Variants in WNT5A observed in about 807,000 individuals in gnomAD.
The protein encoded by WNT5A is protein Wnt-5a.
A neutral mutation model predicts 42.1 loss-of-function variants in WNT5A; 9 were observed. The ratio of observed to expected loss-of-function variants is 0.21; its 90% CI spans 0.13 to 0.37. The LOEUF (loss-of-function observed/expected upper bound fraction) is 0.37, where lower values mean the gene tolerates loss of function less well. Ranked by LOEUF, WNT5A falls within the 10% of genes least tolerant of loss-of-function variation. WNT5A has a pLI of 1.00. For synonymous variants in WNT5A, 210 were observed against 210.0 expected, an observed-to-expected ratio of 1.00 and a Z score of 0.00; for missense variants, 426 against 534.0, an observed-to-expected ratio of 0.80 and a Z score of 1.99.
upstream of WNT5A, among the ~76,000 whole-genome samples, chr3:55,494,781 C>T (rs763660270): frequency 6.6e-6 from 1 of 152,184 alleles, no homozygotes; most frequent in Non-Finnish European, 1.5e-5. Context: ...TCATGATCCA[C>T]CCACCTTGGC....
At position 55,470,144 on chromosome 3, in the gene WNT5A, T is replaced by C. The variant is rs1260562227; in HGVS notation, c.1091A>G (p.Tyr364Cys). 1 of 1,614,152 alleles carries C rather than the reference T, an allele frequency of 6.2e-7. No individual in the cohort carries two copies. The highest frequency in any genetic ancestry group is 8.5e-7 in the Non-Finnish European group (1 of 1,179,986). The change falls in exon 5 of 5, where the codon TAC (tyrosine) becomes TGC (cysteine). Residue 364 changes from tyrosine to cysteine, a missense_variant. Tyr to Cys is a radical substitution (Grantham distance 194, BLOSUM62 -2). Transcript: ENST00000264634. ...RCHCKFHWCC[Y>C]VKCKKCTEIV... ...CTCCGTGCACTTCTTGCACTTGACGTAGCAGCACCAGTGGAACTTGCAGTG... is the reference window on the plus strand; with the variant it reads ...CTCCGTGCACTTCTTGCACTTGACGCAGCAGCACCAGTGGAACTTGCAGTG...
In WNT5A at chr3:55,479,697, A is replaced by G. The variant is rs552036389; in HGVS notation, c.141-133T>C. ...CTCCTGCTTGTCCTCATGACAAAGT[A>G]TGAGAAGGGCTTCATAAAACTCCTC... is the stretch of plus-strand genomic sequence containing the variant. On this transcript the variant is annotated intron_variant, in intron 2 of 4. Coordinates refer to ENST00000264634, the MANE Select transcript of WNT5A (RefSeq NM_003392.7). 1.7e-5 allele frequency: 22 copies of G among 1,273,452 alleles called. No individual in the cohort carries two copies. The Admixed American group carries it at 2.2e-4, about 12-fold the overall frequency. 78.9% of individuals were successfully genotyped at this position (1,273,452 alleles called of 1,614,324 possible). A position where few individuals can be genotyped will look rare whatever the true frequency, so the allele number is the denominator to read the frequency against.
intron 1 of WNT5A, among the ~76,000 whole-genome samples, chr3:55,481,989 G>A (rs1217883620): frequency 6.6e-6 from 1 of 152,238 alleles, no homozygotes; most frequent in Admixed American, 6.5e-5. Flanking sequence ...CTGGGGTTGT[G>A]GGCCACTTTG....
chr3:55,474,585 C>A lies in WNT5A; in HGVS notation c.436G>T (p.Val146Leu). The A allele has an allele frequency of 6.7e-7, 1 of 1,491,572 alleles. No homozygotes were observed. The highest frequency in any genetic ancestry group is 1.4e-5 in the South Asian group (1 of 73,388). 92.4% of individuals were successfully genotyped at this position (1,491,572 alleles called of 1,614,324 possible). ...CACGCCCGGCTCATGGCGTTCACCA[C>A]CCCTGCTGCGCTCACCGCGTATGTG... The part of the protein sequence containing the change: ...AFTYAVSAAG[V>L]VNAMSRACRE... The change falls in exon 4 of 5, where the codon GTG becomes TTG. Residue 146 changes from valine to leucine, a missense_variant. This residue lies in a region of WNT5A where 358 missense variants were observed against 468.1 expected (regional missense o/e 0.76). Transcript: ENST00000264634.
chr3:55,502,944 A>C, the WNT5A span, among the ~76,000 whole-genome samples: 1 of 152,234 alleles, frequency 6.6e-6, no homozygotes, highest in Non-Finnish European at 1.5e-5. Flanking sequence ...AACCAGGCCC[A>C]CATTTCTTAT....
At chr3:55,499,165 T>G in the WNT5A span, among the ~76,000 whole-genome samples, 2 of 152,240 alleles carry the variant, frequency 1.3e-5, no homozygotes, top group South Asian at 4.1e-4. Context: ...AGATACCTGT[T>G]CCCTGCTGGG....
intron 4 of WNT5A, among the ~76,000 whole-genome samples, chr3:55,473,799 G>A (rs1222731318): frequency 6.6e-6 from 1 of 152,108 alleles, no homozygotes; most frequent in African/African-American, 2.4e-5. Context: ...TTCCCATCTG[G>A]GCACCTACGA....
At chr3:55,471,841 C>T (rs1254449340) in intron 4 of WNT5A, among the ~76,000 whole-genome samples, 1 of 152,222 alleles carries the variant, frequency 6.6e-6, no homozygotes, top group South Asian at 2.1e-4. Flanking sequence ...AACCTGGAAG[C>T]TGGGGGTGCA....
At chr3:55,481,374 A>G (rs2051459061) in intron 1 of WNT5A, 17 of 985,306 alleles carry the variant, frequency 1.7e-5, no homozygotes, top group Non-Finnish European at 2.0e-5. Flanking sequence ...TCCATGGGCG[A>G]GAGGAGCACG....
chr3:55,499,984 A>ACCCC, the WNT5A span, among the ~76,000 whole-genome samples: 50 of 146,254 alleles, frequency 3.4e-4, 1 homozygote, highest in African/African-American at 9.5e-4. Context: ...CCCCTCCAAA[A>ACCCC]AAAAAAAAAA....
At chr3:55,502,347 G>A in the WNT5A span, among the ~76,000 whole-genome samples, 15 of 152,338 alleles carry the variant, frequency 9.8e-5, no homozygotes, top group South Asian at 2.1e-4. Context: ...CTAATGCACA[G>A]ACATTGTGGG....
At chr3:55,493,478 T>A (rs1010816962), upstream of WNT5A, among the ~76,000 whole-genome samples, 6 of 152,252 alleles carry the variant, frequency 3.9e-5, no homozygotes, top group Non-Finnish European at 7.3e-5. Flanking sequence ...TCTGATTGTC[T>A]TATCCTGATC....
upstream of WNT5A, chr3:55,488,330 C>G: frequency 6.7e-6 from 1 of 149,558 alleles, no homozygotes; most frequent in African/African-American, 2.5e-5. Flanking sequence ...CCCCCTCCCA[C>G]CCCCCAGCCC....
upstream of WNT5A, among the ~76,000 whole-genome samples, chr3:55,494,244 A>G (rs1412765635): frequency 4.6e-5 from 7 of 152,190 alleles, no homozygotes; most frequent in Admixed American, 4.6e-4. Context: ...GGCTTTGGAA[A>G]TCTGATTTGA....
intron 1 of WNT5A, among the ~76,000 whole-genome samples, chr3:55,482,080 G>C (rs2051475908): frequency 6.6e-6 from 1 of 152,214 alleles, no homozygotes; most frequent in Non-Finnish European, 1.5e-5. Context: ...CTCAGACTTG[G>C]TTCGGTCAGT....
chr3:55,486,627 C>T (rs1211694876), intron 1 of WNT5A, among the ~76,000 whole-genome samples: 1 of 152,262 alleles, frequency 6.6e-6, no homozygotes, highest in Non-Finnish European at 1.5e-5. Context: ...AATCATTATC[C>T]TGTTACTGAA....
chr3:55,494,216 T>C (rs1249963797), upstream of WNT5A, among the ~76,000 whole-genome samples: 1 of 152,248 alleles, frequency 6.6e-6, no homozygotes. Flanking sequence ...ATATTATATG[T>C]CTAAATCTGT....
In WNT5A at chr3:55,479,391, T is replaced by A. The variant is rs751543743; in HGVS notation, c.314A>T (p.Gln105Leu). ...EGAKTGIKECQYQFRHRRWNC... is the reference protein window; with the variant it reads ...EGAKTGIKECLYQFRHRRWNC... Reference sequence around the variant, plus strand: ...CCACCTTCGATGTCGGAATTGATACTGGCATTCTTTGATGCCTGTCTTCGC... The same window carrying A: ...CCACCTTCGATGTCGGAATTGATACAGGCATTCTTTGATGCCTGTCTTCGC... Residue 105 changes from glutamine to leucine, a missense_variant, in exon 3 of 5, where the codon CAG becomes CTG. Gln to Leu is a moderately radical substitution (Grantham distance 113, BLOSUM62 -2). Coordinates refer to ENST00000264634, the MANE Select transcript of WNT5A (RefSeq NM_003392.7). The A allele has an allele frequency of 2.7e-5, 44 of 1,613,866 alleles. No homozygotes were observed. Among genetic ancestry groups the A allele is most frequent in the Non-Finnish European group, 3.7e-5 (44 of 1,179,858 alleles).
upstream of WNT5A, among the ~76,000 whole-genome samples, chr3:55,488,883 G>C (rs1476129591): frequency 6.6e-6 from 1 of 152,172 alleles, no homozygotes; most frequent in East Asian, 1.9e-4. Flanking sequence ...CTTACCTCTG[G>C]GGGAGGATAC....
Sources: gnomAD v4.1 joint callset for allele counts (sites outside exome capture counted in the v4.1 genomes callset) on GRCh38, gnomAD v4.1.1 for gene constraint, gnomAD v4.1.1 regional missense constraint, MANE v1.5 for transcripts, NCBI Gene and HGNC (gene_info 2026-07-23, HGNC 2026-07-21) for gene names.